The following SORCS3 variants were observed in gnomAD, a reference collection of about 807,000 sequenced individuals.
The protein encoded by SORCS3 is sortilin related VPS10 domain containing receptor 3, also known as VPS10 domain-containing receptor SorCS3.
SORCS3 carries 57 observed loss-of-function variants against 146.3 expected under a neutral mutation model. The observed-to-expected ratio is 0.39, with a 90% CI of 0.31 to 0.49. The LOEUF (loss-of-function observed/expected upper bound fraction) is 0.49. SORCS3 is among the 20% of genes least tolerant of loss of function. The probability of loss-of-function intolerance (pLI) is 0.92; values close to 1 mark genes in which losing one functional copy is unlikely to be tolerated. For missense variants in SORCS3, 1,341 were observed against 1,575.5 expected, an observed-to-expected ratio of 0.85 and a Z score of 2.52; for synonymous variants, 653 against 618.5, an observed-to-expected ratio of 1.06 and a Z score of -0.83.
intron 4 of SORCS3, among the ~76,000 whole-genome samples, chr10:105,009,781 G>A (rs2055121946): frequency 6.6e-6 from 1 of 151,214 alleles, no homozygotes. Flanking sequence ...AAAACTGAAG[G>A]AAAACCTAGC....
chr10:104,750,092 C>A (rs1295398357), intron 1 of SORCS3, among the ~76,000 whole-genome samples: 1 of 152,028 alleles, frequency 6.6e-6, no homozygotes, highest in African/African-American at 2.4e-5. Flanking sequence ...GTGGGTAGTA[C>A]TAACTTATAT....
chr10:104,799,776 C>T (rs961807360), intron 1 of SORCS3, among the ~76,000 whole-genome samples: 7 of 151,812 alleles, frequency 4.6e-5, no homozygotes, highest in East Asian at 1.9e-4. Context: ...CCCGGGTTCA[C>T]GCTATTCTCC....
intron 1 of SORCS3, among the ~76,000 whole-genome samples, chr10:104,708,795 CTGGG>C: frequency 6.6e-6 from 1 of 152,216 alleles, no homozygotes; most frequent in Non-Finnish European, 1.5e-5. Context: ...TCAGACTGCA[CTGGG>C]TGCCTTTGCC....
chr10:105,022,568 A>G (rs573368572), intron 4 of SORCS3, among the ~76,000 whole-genome samples: 69 of 152,164 alleles, frequency 4.5e-4, no homozygotes, highest in African/African-American at 1.6e-3. Context: ...CTATGAGCCT[A>G]AAATGTCTCC....
intron 1 of SORCS3, among the ~76,000 whole-genome samples, chr10:104,803,799 T>C (rs930603392): frequency 4.1e-4 from 62 of 152,312 alleles, no homozygotes; most frequent in African/African-American, 1.5e-3. Context: ...AAGGCAGTAT[T>C]ATTTTTCTGA....
At chr10:105,007,482 A>T (rs953046587) in intron 4 of SORCS3, among the ~76,000 whole-genome samples, 1 of 152,166 alleles carries the variant, frequency 6.6e-6, no homozygotes, top group African/African-American at 2.4e-5. Context: ...AGAAACAAAC[A>T]AACATAAGAA....
chr10:105,166,096 G>T (rs954125031), intron 12 of SORCS3, among the ~76,000 whole-genome samples: 1 of 152,122 alleles, frequency 6.6e-6, no homozygotes, highest in South Asian at 2.1e-4. Context: ...TAGGTCCTTT[G>T]TGCATTGGGG....
At chr10:104,643,484 G>A (rs1487488239) in intron 1 of SORCS3, among the ~76,000 whole-genome samples, 4 of 152,170 alleles carry the variant, frequency 2.6e-5, no homozygotes, top group African/African-American at 9.7e-5. Context: ...GCGCGATGGC[G>A]GGCTTCATCT....
intron 1 of SORCS3, among the ~76,000 whole-genome samples, chr10:104,720,463 A>G (rs1049906888): frequency 6.6e-6 from 1 of 152,246 alleles, no homozygotes; most frequent in Non-Finnish European, 1.5e-5. Context: ...TTATAGAAGC[A>G]TGTTTATAAT....
chr10:105,063,720 C>T (rs1347370727), intron 5 of SORCS3, among the ~76,000 whole-genome samples: 1 of 152,188 alleles, frequency 6.6e-6, no homozygotes. Flanking sequence ...ACACTTGGAG[C>T]ACTGTGGGGA....
chr10:104,760,007 G>T (rs2017101715), intron 1 of SORCS3, among the ~76,000 whole-genome samples: 1 of 152,184 alleles, frequency 6.6e-6, no homozygotes, highest in Non-Finnish European at 1.5e-5. Flanking sequence ...GGGGCCCAGG[G>T]GGGCAATAGC....
At chr10:104,732,588 C>T (rs2016719265) in intron 1 of SORCS3, among the ~76,000 whole-genome samples, 1 of 152,128 alleles carries the variant, frequency 6.6e-6, no homozygotes, top group Non-Finnish European at 1.5e-5. Context: ...AAGATGAACT[C>T]CCATGTCAGT....
intron 1 of SORCS3, among the ~76,000 whole-genome samples, chr10:104,798,136 ACT>A (rs1435704973): frequency 6.6e-6 from 1 of 152,090 alleles, no homozygotes; most frequent in Non-Finnish European, 1.5e-5. Flanking sequence ...AGGTCCTGAG[ACT>A]CTCTCAGTGC....
At chr10:105,021,791 T>C (rs1366294428) in intron 4 of SORCS3, among the ~76,000 whole-genome samples, 1 of 152,110 alleles carries the variant, frequency 6.6e-6, no homozygotes, top group Non-Finnish European at 1.5e-5. Context: ...GAGGAGAAAG[T>C]TGAGAGAGAA....
At position 104,711,923 on chromosome 10, in the gene SORCS3, T is replaced by G. The variant is rs2016421885; in HGVS notation, c.627+69969T>G. Among the ~76,000 whole-genome samples the G allele has an allele frequency of 2.6e-5, 4 of 152,180 alleles. No homozygotes were observed. The South Asian group carries it at 8.3e-4, about 32-fold the overall frequency. ...AGGATGGAACTAGTTTATGCCAAGT[T>G]AATCACCACTGCCTGCCCCGCTTTT... On this transcript the variant is annotated intron_variant, in intron 1 of 26. Coordinates refer to ENST00000369701, the MANE Select transcript of SORCS3 (RefSeq NM_014978.3).
At chr10:104,830,223 G>A (rs2017985034) in intron 1 of SORCS3, among the ~76,000 whole-genome samples, 1 of 152,166 alleles carries the variant, frequency 6.6e-6, no homozygotes, top group Non-Finnish European at 1.5e-5. Flanking sequence ...CCCTGCAAAG[G>A]ACATGATCTC....
intron 4 of SORCS3, among the ~76,000 whole-genome samples, chr10:105,027,914 T>A (rs2055241680): frequency 6.6e-6 from 1 of 152,204 alleles, no homozygotes; most frequent in Non-Finnish European, 1.5e-5. Context: ...TGAATCACTA[T>A]ATGTATTTAA....
chr10:105,220,606 GTAAAAGGGTCCCCTAAAGGGGCCCCTT>G, intron 19 of SORCS3, among the ~76,000 whole-genome samples: 1 of 152,128 alleles, frequency 6.6e-6, no homozygotes, highest in East Asian at 1.9e-4. Flanking sequence ...GACTTTGAAG[GTAAAAGGGTCCCCTAAAGGGGCCCCTT>G]TTCTATCAGG....
At chr10:105,149,344 C>A (rs791141) in intron 9 of SORCS3, among the ~76,000 whole-genome samples, 1 of 151,810 alleles carries the variant, frequency 6.6e-6, no homozygotes, top group African/African-American at 2.4e-5. Context: ...GTAGAAATAC[C>A]CTGATTTCCT....
Sources: allele counts gnomAD v4.1 joint callset (sites outside exome capture counted in the v4.1 genomes callset), GRCh38; gene constraint gnomAD v4.1.1; transcripts MANE v1.5; gene names NCBI Gene and HGNC (gene_info 2026-07-23, HGNC 2026-07-21).